Variants in TLL1 observed in about 807,000 individuals in gnomAD.
TLL1 encodes tolloid-like protein 1.
In TLL1, 49 loss-of-function variants were observed where a neutral mutation model predicts 128.2. The ratio of observed to expected loss-of-function variants is 0.38; its 90% CI spans 0.30 to 0.48. The LOEUF is 0.48. Ranked by LOEUF, TLL1 falls within the 20% of genes least tolerant of loss-of-function variation. The pLI is 0.96. For synonymous variants in TLL1, 454 were observed against 418.8 expected, an observed-to-expected ratio of 1.08 and a Z score of -1.03; for missense variants, 1,123 against 1,242.0, an observed-to-expected ratio of 0.90 and a Z score of 1.44.
At chr4:165,876,120 G>A (rs1336699358) in intron 1 of TLL1, among the ~76,000 whole-genome samples, 1 of 152,174 alleles carries the variant, frequency 6.6e-6, no homozygotes, top group African/African-American at 2.4e-5. Context: ...TAATGAGAGG[G>A]AAATAAGAAT....
chr4:165,946,090 T>G (rs1375766591), intron 1 of TLL1, among the ~76,000 whole-genome samples: 1 of 152,088 alleles, frequency 6.6e-6, no homozygotes, highest in Non-Finnish European at 1.5e-5. Flanking sequence ...GCACGTGGCC[T>G]TAAGGAGCTG....
intron 1 of TLL1, among the ~76,000 whole-genome samples, chr4:165,903,343 C>A (rs1732085497): frequency 1.3e-5 from 2 of 149,960 alleles, no homozygotes; most frequent in African/African-American, 4.9e-5. Context: ...GTCTCAAAAA[C>A]AAAACAAAGA....
chr4:166,044,378 A>G, intron 12 of TLL1: 1 of 1,535,586 alleles, frequency 6.5e-7, no homozygotes, highest in Admixed American at 2.0e-5. Context: ...GAGCACCAGG[A>G]GAATCCAGGG....
At position 166,025,443 on chromosome 4, in the gene TLL1, C is replaced by T. The variant is rs780961783; in HGVS notation, c.1158+12C>T. 30 of 1,548,008 alleles carry T rather than the reference C, an allele frequency of 1.9e-5. No homozygotes were observed. The highest frequency in any genetic ancestry group is 1.7e-4 in the Middle Eastern group (1 of 5,966). On this transcript the variant is annotated intron_variant, in intron 9 of 20. Transcript: ENST00000061240. ...CCCCAGGGGAGAAGGTAGTTTATAC[C>T]GTCAAGCCCACTATTTTATTCTTAT...
intron 1 of TLL1, among the ~76,000 whole-genome samples, chr4:165,899,048 T>C (rs1021154055): frequency 6.6e-6 from 1 of 152,218 alleles, no homozygotes; most frequent in Non-Finnish European, 1.5e-5. Flanking sequence ...GATGGTAGTT[T>C]GTATTTCTGT....
chr4:165,955,417 A>T (rs1484511158), intron 1 of TLL1, among the ~76,000 whole-genome samples: 1 of 152,054 alleles, frequency 6.6e-6, no homozygotes, highest in Non-Finnish European at 1.5e-5. Context: ...AGAGGGCAAC[A>T]TGAAAATTCA....
At chr4:165,927,698 C>A (rs1733340492) in intron 1 of TLL1, among the ~76,000 whole-genome samples, 1 of 152,138 alleles carries the variant, frequency 6.6e-6, no homozygotes, top group African/African-American at 2.4e-5. Context: ...AAAGCAATGT[C>A]TGGAGACATT....
At chr4:165,983,334 A>T (rs920650719) in intron 1 of TLL1, among the ~76,000 whole-genome samples, 3 of 151,870 alleles carry the variant, frequency 2.0e-5, no homozygotes, top group Admixed American at 6.6e-5. Context: ...AAATAGAAAG[A>T]TATGTTTATT....
At chr4:166,013,394 G>A (rs940132986) in intron 7 of TLL1, among the ~76,000 whole-genome samples, 1 of 151,854 alleles carries the variant, frequency 6.6e-6, no homozygotes, top group African/African-American at 2.4e-5. Flanking sequence ...GCTAAGTAGA[G>A]CTGAAAATGC....
intron 9 of TLL1, among the ~76,000 whole-genome samples, chr4:166,038,850 G>T (rs1325094450): frequency 2.0e-5 from 3 of 152,094 alleles, no homozygotes; most frequent in Non-Finnish European, 2.9e-5. Flanking sequence ...CATGCACAAT[G>T]ATATTATATG....
chr4:165,960,844 G>A (rs908648361), intron 1 of TLL1, among the ~76,000 whole-genome samples: 4 of 152,010 alleles, frequency 2.6e-5, no homozygotes, highest in African/African-American at 9.7e-5. Context: ...CAAACCCAGA[G>A]CCAACATCAT....
At chr4:165,911,387 C>G (rs1346339196) in intron 1 of TLL1, among the ~76,000 whole-genome samples, 1 of 152,102 alleles carries the variant, frequency 6.6e-6, no homozygotes, top group Non-Finnish European at 1.5e-5. Context: ...TTTTTTATGG[C>G]TGAATAGTAT....
chr4:165,886,294 G>A (rs1731160981), intron 1 of TLL1, among the ~76,000 whole-genome samples: 1 of 151,982 alleles, frequency 6.6e-6, no homozygotes, highest in South Asian at 2.1e-4. Context: ...TGTAATGTGG[G>A]GATAGTGATC....
chr4:165,999,901 C>T (rs914747777), intron 5 of TLL1, among the ~76,000 whole-genome samples: 9 of 152,312 alleles, frequency 5.9e-5, no homozygotes, highest in African/African-American at 1.9e-4. Flanking sequence ...CCAGTTCCAC[C>T]TTCATGGATA....
At chr4:166,041,809 T>C (rs1015856312) in intron 10 of TLL1, among the ~76,000 whole-genome samples, 17 of 152,214 alleles carry the variant, frequency 1.1e-4, no homozygotes, top group African/African-American at 4.1e-4. Context: ...TCAGCTACTC[T>C]GAGGCTGATG....
intron 12 of TLL1, among the ~76,000 whole-genome samples, chr4:166,048,151 G>A (rs182913986): frequency 2.9e-3 from 442 of 150,874 alleles, no homozygotes; most frequent in African/African-American, 0.01. Context: ...CAGGAGAATC[G>A]CTTGAACCTG....
At chr4:166,067,117 G>A (rs1740608708) in intron 16 of TLL1, among the ~76,000 whole-genome samples, 1 of 151,566 alleles carries the variant, frequency 6.6e-6, no homozygotes, top group African/African-American at 2.4e-5. Flanking sequence ...TTCAATAGAA[G>A]CCCCAAACCC....
chr4:165,955,828 G>A lies in TLL1; in HGVS notation c.170-33553G>A, dbSNP rs1026482710. ...ATGAAAGAACACTACCTGATTATCA[G>A]GGTAACCTGCCCCCAATATTTCAAT... is the stretch of plus-strand genomic sequence containing the variant. On this transcript the variant is annotated intron_variant, in intron 1 of 20. Coordinates refer to ENST00000061240, the MANE Select transcript of TLL1 (RefSeq NM_012464.5). Among the ~76,000 whole-genome samples the A allele has an allele frequency of 1.3e-5, 2 of 152,118 alleles. 1 individual carries two copies. Among genetic ancestry groups the A allele is most frequent in the South Asian group, 4.1e-4 (2 of 4,824 alleles).
intron 12 of TLL1, among the ~76,000 whole-genome samples, chr4:166,052,965 G>GTGTATGTATATATA: frequency 1.0e-5 from 1 of 99,646 alleles, no homozygotes. Flanking sequence ...GAGGTTATGT[G>GTGTATGTATATATA]TATATATATA....
Sources: gnomAD v4.1 joint callset for allele counts (sites outside exome capture counted in the v4.1 genomes callset) on GRCh38, gnomAD v4.1.1 for gene constraint, MANE v1.5 for transcripts, NCBI Gene and HGNC (gene_info 2026-07-23, HGNC 2026-07-21) for gene names.